The following CNGB3 variants were observed in gnomAD, a reference collection of about 807,000 sequenced individuals.
CNGB3 encodes the protein cyclic nucleotide-gated channel beta-3.
A neutral mutation model predicts 92.8 loss-of-function variants in CNGB3; 86 were observed. The ratio of observed to expected loss-of-function variants is 0.93; its 90% CI spans 0.78 to 1.11. CNGB3 has a LOEUF of 1.11. CNGB3 is among the 50% of genes least tolerant of loss of function. The pLI, the probability that CNGB3 is intolerant of heterozygous loss-of-function variation, is 0.00. For synonymous variants in CNGB3, 333 were observed against 332.7 expected (o/e 1.00, Z -0.01); for missense variants, 1,026 against 956.8 (o/e 1.07, Z -0.95).
At chr8:86,629,180 G>T (rs962603403) in intron 11 of CNGB3, 102 bp from the exon 12 acceptor site, 10 of 1,267,480 alleles carry the variant, frequency 7.9e-6, no homozygotes, top group Non-Finnish European at 1.0e-5. Flanking sequence ...CTAATGCCCT[G>T]ATTACTTGAT....
intron 10 of CNGB3, among the ~76,000 whole-genome samples, chr8:86,635,219 A>C (rs1273474199): frequency 6.6e-6 from 1 of 152,008 alleles, no homozygotes; most frequent in Non-Finnish European, 1.5e-5. Context: ...CTATTACCTG[A>C]TTTATTTTGG....
At chr8:86,641,128 C>G (rs1225275477) in intron 10 of CNGB3, among the ~76,000 whole-genome samples, 1 of 151,998 alleles carries the variant, frequency 6.6e-6, no homozygotes, top group Non-Finnish European at 1.5e-5. Flanking sequence ...AATTATAATT[C>G]ATTAGCATGC....
chr8:86,666,810 C>CAATT, intron 6 of CNGB3, 115 bp downstream of exon 6: 1 of 837,284 alleles, frequency 1.2e-6, no homozygotes, highest in Non-Finnish European at 2.0e-6. Context: ...TGACTTCTTG[C>CAATT]AATTATCCAT....
intron 6 of CNGB3, among the ~76,000 whole-genome samples, 184 bp from the exon 7 acceptor site, chr8:86,654,246 A>G (rs1015494983): frequency 1.3e-5 from 2 of 152,146 alleles, no homozygotes; most frequent in African/African-American, 4.8e-5. Context: ...CTATTGCCCT[A>G]TTGTTTGCCA....
chr8:86,731,771 T>G (rs1825159682), intron 2 of CNGB3, among the ~76,000 whole-genome samples: 1 of 152,168 alleles, frequency 6.6e-6, no homozygotes, highest in Admixed American at 6.5e-5. Flanking sequence ...CTGTGAGGAT[T>G]AGATAAAGAC....
intron 6 of CNGB3, chr8:86,659,919 C>T (rs770389347): frequency 1.9e-5 from 7 of 371,634 alleles, no homozygotes; most frequent in Non-Finnish European, 3.8e-5. Flanking sequence ...AGAGGCAAGA[C>T]AATTGAGCTG....
intron 14 of CNGB3, among the ~76,000 whole-genome samples, chr8:86,606,093 G>A (rs1822405991): frequency 6.6e-6 from 1 of 150,500 alleles, no homozygotes; most frequent in Admixed American, 6.6e-5. Context: ...CAAGAAATAC[G>A]TTTAAGTTTT....
intron 7 of CNGB3, among the ~76,000 whole-genome samples, chr8:86,649,413 T>C (rs1053695370): frequency 6.7e-6 from 1 of 150,310 alleles, no homozygotes; most frequent in African/African-American, 2.4e-5. Context: ...ACCAGACTTA[T>C]AGTTAGCAAA....
At chr8:86,683,215 G>C (rs1055355194) in intron 3 of CNGB3, among the ~76,000 whole-genome samples, 9 of 152,126 alleles carry the variant, frequency 5.9e-5, no homozygotes, top group Admixed American at 1.3e-4. Flanking sequence ...ATAAAGGAGA[G>C]TGCAGTGCAT....
chr8:86,743,401 AACT>A, intron 1 of CNGB3, 95 bp downstream of exon 1: 1 of 1,421,256 alleles, frequency 7.0e-7, no homozygotes, highest in South Asian at 1.2e-5. Flanking sequence ...TGCCAGGTAA[AACT>A]ACTAAACAAT....
At chr8:86,610,544 G>C (rs937694483) in intron 14 of CNGB3, among the ~76,000 whole-genome samples, 25 of 152,016 alleles carry the variant, frequency 1.6e-4, no homozygotes, top group African/African-American at 5.3e-4. Flanking sequence ...GGAAGGACAG[G>C]TGCCCCTCCT....
At chr8:86,618,473 G>A (rs1822659313) in intron 13 of CNGB3, among the ~76,000 whole-genome samples, 1 of 152,088 alleles carries the variant, frequency 6.6e-6, no homozygotes, top group African/African-American at 2.4e-5. Flanking sequence ...TATGTTTTGA[G>A]TCCCTTACAA....
chr8:86,706,314 A>G (rs557412765), intron 3 of CNGB3, among the ~76,000 whole-genome samples: 2 of 152,346 alleles, frequency 1.3e-5, no homozygotes, highest in South Asian at 4.1e-4. Flanking sequence ...TTAAGTCTAC[A>G]TGAACCATAT....
intron 12 of CNGB3, 60 bp downstream of exon 12, chr8:86,628,859 C>A: frequency 1.9e-6 from 3 of 1,574,398 alleles, no homozygotes; most frequent in Non-Finnish European, 2.6e-6. Flanking sequence ...TGCTACCTTA[C>A]AGAATTTTCA....
chr8:86,688,109 C>T (rs570521980), intron 3 of CNGB3, among the ~76,000 whole-genome samples: 29 of 151,776 alleles, frequency 1.9e-4, no homozygotes, highest in Non-Finnish European at 3.5e-4. Context: ...TGAACAGAAG[C>T]GTGAGGGTAT....
rs555404838 is a variant in CNGB3 at position 86,586,328 on chromosome 8, T to A, written c.1782-7076A>T. On this transcript the variant is annotated intron_variant, in intron 15 of 17. Coordinates refer to ENST00000320005, the MANE Select transcript of CNGB3 (RefSeq NM_019098.5). The stretch of plus-strand genomic sequence containing the variant: ...TAATAGTAACATTAATAGATAATAT[T>A]TTTTTTTAAATTTTTTTTTAATTAT... 9.9e-5 allele frequency among the ~76,000 whole-genome samples: 8 copies of A among 81,016 alleles called. No homozygotes were observed. In the East Asian group the frequency reaches 1.6e-3, roughly 16 times the overall value. 53.1% of individuals were successfully genotyped at this position (81,016 alleles called of 152,430 possible).
At chr8:86,597,795 C>G (rs901770445) in intron 15 of CNGB3, among the ~76,000 whole-genome samples, 2 of 152,038 alleles carry the variant, frequency 1.3e-5, no homozygotes, top group Admixed American at 1.3e-4. Context: ...GCCTGGCCAA[C>G]ATGGTGAAAC....
chr8:86,620,625 C>T (rs537044832), intron 13 of CNGB3, among the ~76,000 whole-genome samples: 22 of 152,270 alleles, frequency 1.4e-4, no homozygotes, highest in South Asian at 6.2e-4. Context: ...TGGGCTCCTA[C>T]GCATCCTTCT....
chr8:86,677,028 G>A (rs1294030257), intron 3 of CNGB3, among the ~76,000 whole-genome samples: 1 of 152,154 alleles, frequency 6.6e-6, no homozygotes, highest in East Asian at 1.9e-4. Context: ...GAGACGCAAG[G>A]AGAATGCCAT....
Sources: allele counts gnomAD v4.1 joint callset (sites outside exome capture counted in the v4.1 genomes callset), GRCh38; gene constraint gnomAD v4.1.1; transcripts MANE v1.5; gene names NCBI Gene and HGNC (gene_info 2026-07-23, HGNC 2026-07-21).